The following USP40 variants were observed in gnomAD, a reference collection of about 807,000 sequenced individuals.
USP40 encodes the protein ubiquitin specific peptidase 40, also known as ubiquitin carboxyl-terminal hydrolase 40.
A neutral mutation model predicts 166.2 loss-of-function variants in USP40; 143 were observed. The ratio of observed to expected loss-of-function variants is 0.86; its 90% CI spans 0.75 to 0.99. The LOEUF is 0.99. Ranked by LOEUF, USP40 falls within the 50% of genes least tolerant of loss-of-function variation. The pLI is 0.00. For missense variants in USP40, 1,444 were observed against 1,479.7 expected (o/e 0.98, Z 0.40); for synonymous variants, 498 against 524.0 (o/e 0.95, Z 0.68).
rs2064218005 is a variant in USP40, at chr2:233,477,116, G to A, written c.*276C>T. Reference sequence around the variant, plus strand: ...ATTTTCTGGTTAAAAGAAAAAAAAAGGCAGCTGGGGCCGGGTGCTGTGTGA... The same window carrying A: ...ATTTTCTGGTTAAAAGAAAAAAAAAAGCAGCTGGGGCCGGGTGCTGTGTGA... On this transcript the variant is annotated 3_prime_UTR_variant, in exon 32 of 32. Coordinates refer to ENST00000678225, the MANE Select transcript of USP40 (RefSeq NM_001365479.2). 4.4e-6 allele frequency: 2 copies of A among 455,872 alleles called. No homozygotes were observed. Among genetic ancestry groups the A allele is most frequent in the Non-Finnish European group, 8.1e-6 (2 of 245,440 alleles). The allele number at this position is 455,872 out of a possible 1,614,324, so 28.2% of individuals were successfully genotyped here. A position where few individuals can be genotyped will look rare whatever the true frequency, so the allele number is the denominator to read the frequency against.
intron 6 of USP40, among the ~76,000 whole-genome samples, chr2:233,554,015 G>A (rs1362771330): frequency 6.6e-6 from 1 of 152,154 alleles, no homozygotes; most frequent in Admixed American, 6.5e-5. Flanking sequence ...TGTATATTAA[G>A]AAAATGAAGA....
chr2:233,499,801 AC>A, intron 22 of USP40, 77 bp downstream of exon 22: 1 of 1,329,820 alleles, frequency 7.5e-7, no homozygotes, highest in Non-Finnish European at 1.0e-6. Context: ...TTTTTTTCCT[AC>A]AACCCTGGAG....
In USP40 at chr2:233,551,336, G is replaced by C. The variant is rs78627205; in HGVS notation, c.837+40C>G. The C allele has an allele frequency of 1.7e-3, 2,659 of 1,558,894 alleles. 40 individuals are homozygous for C. The African/African-American group carries it at 0.03, about 18-fold the overall frequency. The stretch of plus-strand genomic sequence containing the variant: ...GGGTCAATAATAGATTCAATCTTGA[G>C]AGGGGAAAAGAAAGAATTTAAAAAT... On this transcript the variant is annotated intron_variant, in intron 7 of 31. Coordinates refer to ENST00000678225, the MANE Select transcript of USP40 (RefSeq NM_001365479.2).
chr2:233,534,992 T>C (rs570580353), intron 10 of USP40, among the ~76,000 whole-genome samples: 1 of 152,260 alleles, frequency 6.6e-6, no homozygotes, highest in South Asian at 2.1e-4. Context: ...AGTGAAGATA[T>C]AATACTTCAA....
intron 12 of USP40, among the ~76,000 whole-genome samples, chr2:233,528,158 T>G (rs1332642856): frequency 6.6e-6 from 1 of 152,098 alleles, no homozygotes; most frequent in Non-Finnish European, 1.5e-5. Context: ...TTTGTATTTT[T>G]GGTAGAGATG....
intron 5 of USP40, 179 bp downstream of exon 5, chr2:233,556,676 T>C (rs886921571): frequency 4.3e-6 from 2 of 461,896 alleles, no homozygotes; most frequent in Non-Finnish European, 7.1e-6. Flanking sequence ...TCTTTCAATC[T>C]ACATGGAGAA....
At chr2:233,545,010 G>C (rs995115305) in intron 8 of USP40, among the ~76,000 whole-genome samples, 2 of 152,090 alleles carry the variant, frequency 1.3e-5, no homozygotes, top group African/African-American at 4.8e-5. Flanking sequence ...TTGGAAGAAG[G>C]CACTTTTAAC....
At position 233,486,896 on chromosome 2, in the gene USP40, G is replaced by A. The variant is rs114613958; in HGVS notation, c.3198-919C>T. Among the ~76,000 whole-genome samples, 505 of 152,248 alleles carry A rather than the reference G, an allele frequency of 3.3e-3. 2 individuals are homozygous for A. The highest frequency in any genetic ancestry group is 0.012 in the African/African-American group (482 of 41,548). On this transcript the variant is annotated intron_variant, in intron 28 of 31. Transcript: ENST00000678225. The surrounding 1 kb of genome is among the most constrained non-coding windows in gnomAD (Gnocchi z 4.0). ...GCGGCCAGAGGACAGAAAGGGCATC[G>A]GCACAGATGCTGAAGTTGCCAAGGA...
At chr2:233,531,263 T>C (rs2068502362) in intron 11 of USP40, among the ~76,000 whole-genome samples, 13 of 152,208 alleles carry the variant, frequency 8.5e-5, no homozygotes, top group Admixed American at 8.5e-4. Flanking sequence ...TCTTCATTGC[T>C]ATAACTTTAT....
chr2:233,542,417 A>C (rs2069507280), intron 8 of USP40, 54 bp from the exon 9 acceptor site: 5 of 1,120,770 alleles, frequency 4.5e-6, no homozygotes, highest in Non-Finnish European at 5.1e-6. Context: ...AAAGTAACAA[A>C]ATAGGAATGT....
At position 233,479,917 on chromosome 2, in the gene USP40, T is replaced by C. The variant is rs1335167041; in HGVS notation, c.3599+1286A>G. Among the ~76,000 whole-genome samples, 3 of 152,122 alleles carry C rather than the reference T, an allele frequency of 2.0e-5. No individual in the cohort carries two copies. In the East Asian group the frequency reaches 5.8e-4, roughly 29 times the overall value. On this transcript the variant is annotated intron_variant, in intron 31 of 31. Transcript: ENST00000678225. ...GGCCCTGGCCCAGGGGCCGTGCTGC[T>C]TGCGGAGCTCACACAGTCCCTACCC...
chr2:233,480,638 A>G lies in USP40; in HGVS notation c.3599+565T>C, dbSNP rs1227345830. 2.0e-5 allele frequency among the ~76,000 whole-genome samples: 3 copies of G among 152,188 alleles called. No homozygotes were observed. Among genetic ancestry groups the G allele is most frequent in the Non-Finnish European group, 2.9e-5 (2 of 68,024 alleles). On this transcript the variant is annotated intron_variant, in intron 31 of 31. Coordinates refer to ENST00000678225, the MANE Select transcript of USP40 (RefSeq NM_001365479.2). The surrounding 1 kb of genome is among the most constrained non-coding windows in gnomAD (Gnocchi z 4.5). The stretch of plus-strand genomic sequence containing the variant: ...GGCGGCGCCAGAGCTGGGAGGAGGG[A>G]GAGAGGCAAGGAGTCCTGAGCAGAG...
chr2:233,515,208 C>T (rs999172000), intron 18 of USP40, among the ~76,000 whole-genome samples: 2 of 152,172 alleles, frequency 1.3e-5, no homozygotes, highest in African/African-American at 4.8e-5. Context: ...ACATTTATGT[C>T]TTTATAAGGA....
intron 11 of USP40, among the ~76,000 whole-genome samples, 182 bp downstream of exon 11, chr2:233,533,297 C>A (rs2068684659): frequency 6.6e-6 from 1 of 152,118 alleles, no homozygotes; most frequent in African/African-American, 2.4e-5. Context: ...AGTATATAAT[C>A]TTTATAAAAT....
intron 13 of USP40, among the ~76,000 whole-genome samples, chr2:233,526,514 G>C (rs2125241088): frequency 6.6e-6 from 1 of 152,236 alleles, no homozygotes; most frequent in East Asian, 1.9e-4. Flanking sequence ...GGTTAAAAGG[G>C]AAATTGCTTT....
intron 6 of USP40, 77 bp downstream of exon 6, chr2:233,554,303 C>A: frequency 7.1e-7 from 1 of 1,409,060 alleles, no homozygotes; most frequent in South Asian, 1.8e-5. Context: ...AGTATATCCT[C>A]GAGACTTTTT....
rs2067792357 is a variant in USP40, at chr2:233,523,360, T to C, written c.2011A>G (p.Asn671Asp). ...VIESPHVFPA[N>D]AEVGTVLTAL... ...GTGAGGACAGTGCCCACTTCTGCAT[T>C]AGCTGGAAAGACATGTGGAGATTCT... The change falls in exon 16 of 32, where the codon AAT becomes GAT. Residue 671 changes from asparagine (N) to aspartate (D), a missense_variant. Physicochemically the swap from Asn to Asp is conservative, Grantham distance 23. Coordinates refer to ENST00000678225, the MANE Select transcript of USP40 (RefSeq NM_001365479.2). The C allele has an allele frequency of 6.2e-7, 1 of 1,613,912 alleles. No individual in the cohort carries two copies. The highest frequency in any genetic ancestry group is 1.7e-5 in the Admixed American group (1 of 60,006).
At chr2:233,481,591 C>T (rs901208685) in intron 30 of USP40, 2 of 424,078 alleles carry the variant, frequency 4.7e-6, no homozygotes, top group Non-Finnish European at 8.5e-6. Context: ...TACCAGGCAA[C>T]ATGAAGACAG....
chr2:233,515,070 T>C (rs2067093238), intron 18 of USP40, among the ~76,000 whole-genome samples: 1 of 152,248 alleles, frequency 6.6e-6, no homozygotes, highest in Admixed American at 6.5e-5. Flanking sequence ...TCATGTGTTG[T>C]ATGTGGTGGA....
Sources: gnomAD v4.1 joint callset for allele counts (sites outside exome capture counted in the v4.1 genomes callset) on GRCh38, gnomAD v4.1.1 for gene constraint, Gnocchi (gnomAD v3.1) non-coding constraint, MANE v1.5 for transcripts, NCBI Gene and HGNC (gene_info 2026-07-23, HGNC 2026-07-21) for gene names.